NEDD4L: variants seen among roughly 807,000 people sequenced by gnomAD.
NEDD4L encodes E3 ubiquitin-protein ligase NEDD4-like.
NEDD4L carries 54 observed loss-of-function variants against 148.9 expected under a neutral mutation model. The ratio of observed to expected loss-of-function variants is 0.36; its 90% CI spans 0.29 to 0.45. The LOEUF (loss-of-function observed/expected upper bound fraction) is 0.45, where lower values mean the gene tolerates loss of function less well. NEDD4L is among the 20% of genes least tolerant of loss of function. NEDD4L has a pLI of 1.00. For synonymous variants in NEDD4L, 433 were observed against 440.7 expected (o/e 0.98, Z 0.22); for missense variants, 856 against 1,233.8 (o/e 0.69, Z 4.59).
At chr18:58,301,966 G>C (rs985827896) in intron 5 of NEDD4L, among the ~76,000 whole-genome samples, 1 of 152,152 alleles carries the variant, frequency 6.6e-6, no homozygotes. Context: ...ACATCCCCTT[G>C]TTGCCCCTGC....
intron 24 of NEDD4L, among the ~76,000 whole-genome samples, chr18:58,375,982 A>C (rs2047515445): frequency 6.6e-6 from 1 of 152,184 alleles, no homozygotes; most frequent in Non-Finnish European, 1.5e-5. Context: ...CATATGAAGG[A>C]AGGAGTGGAA....
At chr18:58,120,073 G>A (rs901508041) in intron 1 of NEDD4L, among the ~76,000 whole-genome samples, 1 of 152,204 alleles carries the variant, frequency 6.6e-6, no homozygotes, top group African/African-American at 2.4e-5. Context: ...TCCTTGCCAG[G>A]ATCGGCCTCT....
chr18:58,090,119 T>G (rs963548860), intron 1 of NEDD4L, among the ~76,000 whole-genome samples: 1 of 152,100 alleles, frequency 6.6e-6, no homozygotes, highest in Non-Finnish European at 1.5e-5. Context: ...ATTACCGGCA[T>G]AAGCCACCAT....
intron 5 of NEDD4L, among the ~76,000 whole-genome samples, chr18:58,263,124 C>T (rs1465746301): frequency 1.3e-5 from 2 of 152,190 alleles, no homozygotes; most frequent in African/African-American, 4.8e-5. Flanking sequence ...CTCGTTGCTA[C>T]ACTTTAGTAT....
chr18:58,278,498 C>T (rs2052498455), intron 5 of NEDD4L, among the ~76,000 whole-genome samples: 1 of 152,208 alleles, frequency 6.6e-6, no homozygotes, highest in African/African-American at 2.4e-5. Flanking sequence ...ATGGATTTTA[C>T]AGATCTTATC....
intron 1 of NEDD4L, among the ~76,000 whole-genome samples, chr18:58,061,477 GT>G (rs1412944103): frequency 1.0e-4 from 2 of 19,920 alleles, no homozygotes; most frequent in African/African-American, 1.0e-3. Flanking sequence ...TGGACTGTGG[GT>G]TGTTTTTTTT....
chr18:58,358,383 TA>T (rs2044999609), intron 19 of NEDD4L, among the ~76,000 whole-genome samples: 1 of 152,204 alleles, frequency 6.6e-6, no homozygotes, highest in Non-Finnish European at 1.5e-5. Context: ...GATATATATA[TA>T]TTCGCAGTCA....
At chr18:58,362,518 G>A (rs540949134) in intron 19 of NEDD4L, among the ~76,000 whole-genome samples, 3 of 152,296 alleles carry the variant, frequency 2.0e-5, no homozygotes, top group East Asian at 1.9e-4. Context: ...GCCTTCTAAC[G>A]CTGGCAGGAG....
rs1045896066 is a variant in NEDD4L, at chr18:58,366,811, G to T, written c.2063+583G>T. Among the ~76,000 whole-genome samples the T allele has an allele frequency of 5.9e-5, 9 of 152,240 alleles. No homozygotes were observed. The highest frequency in any genetic ancestry group is 1.0e-4 in the Non-Finnish European group (7 of 68,028). On this transcript the variant is annotated intron_variant, in intron 21 of 30. Coordinates refer to ENST00000400345, the MANE Select transcript of NEDD4L (RefSeq NM_001144967.3). This position sits in a 1 kb window ranked among gnomAD's most constrained non-coding sequence, Gnocchi z 4.2. ...TCAGACTCTGAATCCTCCAAGGGTT[G>T]GGCAGTACCCAAGCCCCCAGTAGAA...
intron 18 of NEDD4L, among the ~76,000 whole-genome samples, chr18:58,356,444 G>T (rs1047891705): frequency 2.6e-5 from 4 of 152,062 alleles, no homozygotes; most frequent in African/African-American, 9.7e-5. Context: ...AATCCGTAAG[G>T]TCTTTTTAAT....
At chr18:58,201,439 C>T (rs1483884505) in intron 2 of NEDD4L, among the ~76,000 whole-genome samples, 3 of 152,140 alleles carry the variant, frequency 2.0e-5, no homozygotes, top group Non-Finnish European at 4.4e-5. Flanking sequence ...AATGAAACCC[C>T]ATCACTCAGC....
intron 5 of NEDD4L, among the ~76,000 whole-genome samples, chr18:58,269,654 A>T (rs2050741201): frequency 6.6e-6 from 1 of 152,118 alleles, no homozygotes; most frequent in African/African-American, 2.4e-5. Flanking sequence ...GTGGTACTTC[A>T]GGGATTCTGA....
intron 19 of NEDD4L, among the ~76,000 whole-genome samples, chr18:58,362,106 A>G (rs559188443): frequency 6.6e-6 from 1 of 152,350 alleles, no homozygotes; most frequent in African/African-American, 2.4e-5. Context: ...AAGGCTTGAA[A>G]TATCTCAACA....
At chr18:58,045,743 T>A (rs1038001457) in intron 1 of NEDD4L, 1 of 152,216 alleles carries the variant, frequency 6.6e-6, no homozygotes, top group Non-Finnish European at 1.5e-5. Flanking sequence ...GGCTCCCCTT[T>A]CGAGAGGTGA....
intron 6 of NEDD4L, among the ~76,000 whole-genome samples, chr18:58,318,319 G>A (rs1259833473): frequency 6.6e-6 from 1 of 152,218 alleles, no homozygotes; most frequent in Non-Finnish European, 1.5e-5. Flanking sequence ...ACTTTTGGAG[G>A]CCGAGGCAGG....
intron 4 of NEDD4L, among the ~76,000 whole-genome samples, chr18:58,251,539 G>GTGTA (rs925338892): frequency 2.9e-4 from 44 of 149,714 alleles, no homozygotes; most frequent in Non-Finnish European, 1.5e-5. Context: ...GTGTGTTTGT[G>GTGTA]TGTATGTGTG....
rs1459893752 is a variant in NEDD4L at position 58,382,838 on chromosome 18, T to G, written c.2353-408T>G. On this transcript the variant is annotated intron_variant, in intron 24 of 30. Transcript: ENST00000400345. ...TTTTTGAAAGAAATACCATGCATCC[T>G]TTTTTTATGACTAGAAAATATAATT... Among the ~76,000 whole-genome samples, 4 of 152,190 alleles carry G rather than the reference T, an allele frequency of 2.6e-5. No homozygotes were observed. The East Asian group carries it at 7.7e-4, about 29-fold the overall frequency.
intron 1 of NEDD4L, among the ~76,000 whole-genome samples, chr18:58,048,774 A>T (rs1049745568): frequency 4.6e-5 from 7 of 152,178 alleles, no homozygotes; most frequent in Non-Finnish European, 8.8e-5. Context: ...GCCACATTCT[A>T]ACCTAGTTAC....
intron 2 of NEDD4L, chr18:58,195,738 G>A: frequency 2.2e-6 from 3 of 1,349,602 alleles, no homozygotes; most frequent in Non-Finnish European, 2.9e-6. Flanking sequence ...AATCTGGTAA[G>A]TGCCACCGAA....
Sources: gnomAD v4.1 joint callset for allele counts (sites outside exome capture counted in the v4.1 genomes callset) on GRCh38, gnomAD v4.1.1 for gene constraint, Gnocchi (gnomAD v3.1) non-coding constraint, MANE v1.5 for transcripts, NCBI Gene and HGNC (gene_info 2026-07-23, HGNC 2026-07-21) for gene names.